Variants in EYS observed in about 807,000 individuals in gnomAD.
EYS encodes protein eyes shut homolog.
In EYS, 250 loss-of-function variants were observed where a neutral mutation model predicts 282.1. The observed-to-expected ratio is 0.89, with a 90% CI of 0.80 to 0.98. EYS has a LOEUF of 0.98. EYS is among the 50% of genes least tolerant of loss of function. EYS has a pLI of 0.00. For synonymous variants in EYS, 1,355 were observed against 1,282.9 expected, an observed-to-expected ratio of 1.06 and a Z score of -1.20; for missense variants, 4,016 against 3,709.0, an observed-to-expected ratio of 1.08 and a Z score of -2.15.
At chr6:65,384,933 G>C (rs1051918239) in intron 7 of EYS, among the ~76,000 whole-genome samples, 2 of 151,756 alleles carry the variant, frequency 1.3e-5, no homozygotes, top group African/African-American at 4.8e-5. Context: ...GGATGATAAC[G>C]GTCTAGTTAT....
intron 22 of EYS, among the ~76,000 whole-genome samples, chr6:64,775,924 T>C (rs1270040007): frequency 6.6e-6 from 1 of 152,094 alleles, no homozygotes; most frequent in East Asian, 1.9e-4. Context: ...CTCTCAGTAA[T>C]GATGATGCTT....
chr6:65,525,063 T>A (rs1271215149), intron 2 of EYS, among the ~76,000 whole-genome samples: 1 of 151,922 alleles, frequency 6.6e-6, no homozygotes, highest in African/African-American at 2.4e-5. Context: ...TGATTTTTTT[T>A]TTTTTCAATT....
At chr6:64,355,038 A>G (rs1319530656) in intron 29 of EYS, among the ~76,000 whole-genome samples, 3 of 151,602 alleles carry the variant, frequency 2.0e-5, no homozygotes, top group Non-Finnish European at 4.4e-5. Flanking sequence ...CTTTAAAACA[A>G]CTCAGGACCA....
At chr6:63,977,451 C>T (rs1237994396) in intron 35 of EYS, among the ~76,000 whole-genome samples, 1 of 151,958 alleles carries the variant, frequency 6.6e-6, no homozygotes, top group Non-Finnish European at 1.5e-5. Context: ...TTTTCCCTTC[C>T]CAAAGGAAAT....
intron 26 of EYS, among the ~76,000 whole-genome samples, chr6:64,455,466 G>T (rs1262538883): frequency 1.3e-5 from 2 of 151,642 alleles, no homozygotes; most frequent in Non-Finnish European, 2.9e-5. Flanking sequence ...TTTAAGTTCT[G>T]GGATCTATGT....
chr6:65,475,173 T>C (rs1261442505), intron 5 of EYS, among the ~76,000 whole-genome samples: 2 of 152,016 alleles, frequency 1.3e-5, no homozygotes, highest in East Asian at 1.9e-4. Context: ...CACTTAATGG[T>C]TATTGTATTT....
chr6:65,295,799 A>G, intron 12 of EYS, 64 bp downstream of exon 12: 2 of 1,302,098 alleles, frequency 1.5e-6, no homozygotes, highest in Non-Finnish European at 2.1e-6. Context: ...GAGATATATC[A>G]AATAAATATA....
intron 2 of EYS, among the ~76,000 whole-genome samples, chr6:65,596,329 T>A (rs929343474): frequency 2.1e-5 from 1 of 47,704 alleles, no homozygotes; most frequent in East Asian, 6.2e-4. Flanking sequence ...TATGCAGCAA[T>A]AGATAACTAA....
chr6:65,496,350 G>A (rs1477328337), intron 2 of EYS, among the ~76,000 whole-genome samples: 3 of 151,950 alleles, frequency 2.0e-5, no homozygotes, highest in African/African-American at 7.2e-5. Context: ...AAAACATAAA[G>A]GATTTCTGAG....
intron 2 of EYS, among the ~76,000 whole-genome samples, chr6:65,555,091 A>G (rs1483091480): frequency 6.6e-6 from 1 of 152,128 alleles, no homozygotes; most frequent in African/African-American, 2.4e-5. Flanking sequence ...CAGAGCACAA[A>G]CCCAAGATGA....
chr6:65,087,719 T>C (rs1227005775), intron 12 of EYS, among the ~76,000 whole-genome samples: 1 of 152,142 alleles, frequency 6.6e-6, no homozygotes, highest in East Asian at 1.9e-4. Flanking sequence ...ATATGTATAT[T>C]TGCTTGAATA....
At chr6:65,263,290 A>C (rs989670087) in intron 12 of EYS, among the ~76,000 whole-genome samples, 2 of 152,014 alleles carry the variant, frequency 1.3e-5, no homozygotes, top group African/African-American at 4.8e-5. Context: ...GCAGTGAGCT[A>C]TGATCGTGCC....
At chr6:65,473,480 T>C (rs1765289925) in intron 5 of EYS, among the ~76,000 whole-genome samples, 1 of 151,972 alleles carries the variant, frequency 6.6e-6, no homozygotes, top group Non-Finnish European at 1.5e-5. Context: ...TAAAAAATGT[T>C]GGGATTTCCA....
At chr6:65,637,883 G>A (rs1767144824) in intron 2 of EYS, among the ~76,000 whole-genome samples, 1 of 152,184 alleles carries the variant, frequency 6.6e-6, no homozygotes, top group East Asian at 1.9e-4. Context: ...AACAGCCTGG[G>A]CACTGTGGAC....
chr6:64,080,804 T>G (rs1385765163), intron 32 of EYS, among the ~76,000 whole-genome samples: 1 of 152,088 alleles, frequency 6.6e-6, no homozygotes, highest in Non-Finnish European at 1.5e-5. Flanking sequence ...CACCATTTAT[T>G]AAATAGGGAA....
chr6:63,902,748 G>A (rs1457886171), intron 35 of EYS, among the ~76,000 whole-genome samples: 1 of 151,636 alleles, frequency 6.6e-6, no homozygotes, highest in Non-Finnish European at 1.5e-5. Flanking sequence ...AATCCAAAAG[G>A]GAATTCAAAT....
In EYS at chr6:64,257,766, G is replaced by GGATGATGATGAT. The variant is rs3072582; in HGVS notation, c.6192-26954_6192-26943dup. On this transcript the variant is annotated intron_variant, in intron 30 of 42. Coordinates refer to ENST00000503581, the MANE Select transcript of EYS (RefSeq NM_001142800.2). ...ACCGCTGCTCTGCAATGAATGGTGT[G>GGATGATGATGAT]GATGATGATGATGATGATGATGATG... is the stretch of plus-strand genomic sequence containing the variant. 1.3e-4 allele frequency among the ~76,000 whole-genome samples: 19 copies of GGATGATGATGAT among 149,210 alleles called. 1 individual carries two copies. Among genetic ancestry groups the GGATGATGATGAT allele is most frequent in the African/African-American group, 7.4e-5 (3 of 40,544 alleles).
At chr6:64,352,403 G>A (rs918601268) in intron 29 of EYS, among the ~76,000 whole-genome samples, 9 of 151,558 alleles carry the variant, frequency 5.9e-5, no homozygotes, top group African/African-American at 2.2e-4. Flanking sequence ...TTCAATATAC[G>A]TTCACTAGTA....
chr6:64,695,456 A>G (rs1443119424), intron 22 of EYS, among the ~76,000 whole-genome samples: 1 of 152,104 alleles, frequency 6.6e-6, no homozygotes, highest in Non-Finnish European at 1.5e-5. Context: ...CTCCCAGTAC[A>G]TTGCTATTAC....
Sources: allele counts gnomAD v4.1 joint callset (sites outside exome capture counted in the v4.1 genomes callset), GRCh38; gene constraint gnomAD v4.1.1; transcripts MANE v1.5; gene names NCBI Gene and HGNC (gene_info 2026-07-23, HGNC 2026-07-21).